CDH2: variants seen among roughly 807,000 people sequenced by gnomAD.
CDH2 encodes the protein cadherin-2.
Under a neutral mutation model 92.0 loss-of-function variants are expected in CDH2, and 17 were observed. The ratio of observed to expected loss-of-function variants is 0.18; its 90% CI spans 0.13 to 0.28. The LOEUF (loss-of-function observed/expected upper bound fraction) is 0.28. CDH2 is among the 10% of genes least tolerant of loss of function. The pLI, the probability that CDH2 is intolerant of heterozygous loss-of-function variation, is 1.00. For missense variants in CDH2, 862 were observed against 1,133.1 expected, an observed-to-expected ratio of 0.76 and a Z score of 3.44; for synonymous variants, 419 against 415.9, an observed-to-expected ratio of 1.01 and a Z score of -0.09.
chr18:27,968,957 A>G (rs2011592231), intron 14 of CDH2, among the ~76,000 whole-genome samples: 2 of 152,358 alleles, frequency 1.3e-5, no homozygotes, highest in African/African-American at 4.8e-5. Flanking sequence ...CCGGCATTAA[A>G]ATAATTGAAT....
At chr18:28,038,422 AGT>A (rs57601293) in intron 2 of CDH2, among the ~76,000 whole-genome samples, 5,921 of 142,254 alleles carry the variant, frequency 0.042, 125 homozygotes, top group Middle Eastern at 0.054. Flanking sequence ...CCTTGTCTCA[AGT>A]GTGTGTGTGT....
intron 2 of CDH2, among the ~76,000 whole-genome samples, chr18:28,021,139 G>A (rs775870614): frequency 2.0e-5 from 3 of 151,742 alleles, no homozygotes; most frequent in Admixed American, 1.3e-4. Context: ...TAATATAATC[G>A]AATCAATACC....
Position 27,985,168 on chromosome 18 carries a change from T to A in CDH2, c.2041A>T (p.Ile681Leu). ...LEAGIYEVPI[I>L]ITDSGNPPKS... Reference sequence around the variant, plus strand: ...GGAGGATTACCCGAATCTGTGATTATGATGGGAACTTCATAGATACCAGCT... The same window carrying A: ...GGAGGATTACCCGAATCTGTGATTAAGATGGGAACTTCATAGATACCAGCT... Residue 681 changes from isoleucine (I) to leucine (L), a missense_variant, in exon 13 of 16, where the codon ATA (isoleucine) becomes TTA (leucine). Ile to Leu is a conservative substitution (Grantham distance 5). This residue lies in a region of CDH2 where 564 missense variants were observed against 722.2 expected (regional missense o/e 0.78). Transcript: ENST00000269141. 6.2e-7 allele frequency: 1 copy of A among 1,613,908 alleles called. No homozygotes were observed. The highest frequency in any genetic ancestry group is 8.5e-7 in the Non-Finnish European group (1 of 1,179,780).
chr18:28,063,317 A>G (rs1406154440), intron 2 of CDH2, among the ~76,000 whole-genome samples: 2 of 152,222 alleles, frequency 1.3e-5, no homozygotes, highest in Admixed American at 1.3e-4. Context: ...AAAACAAAAC[A>G]AAGTGGGTAG....
chr18:28,172,638 C>G (rs1048777494), intron 1 of CDH2, among the ~76,000 whole-genome samples: 1 of 152,282 alleles, frequency 6.6e-6, no homozygotes, highest in South Asian at 2.1e-4. Context: ...GAGCGAAATA[C>G]TTATTCAGAT....
chr18:28,126,684 G>C (rs990715227), intron 2 of CDH2, among the ~76,000 whole-genome samples: 4 of 152,142 alleles, frequency 2.6e-5, no homozygotes, highest in Non-Finnish European at 5.9e-5. Context: ...TAAATAAAGA[G>C]AGTGAGTGCC....
At chr18:28,092,693 C>T (rs1336224064) in intron 2 of CDH2, among the ~76,000 whole-genome samples, 1 of 151,986 alleles carries the variant, frequency 6.6e-6, no homozygotes, top group Non-Finnish European at 1.5e-5. Context: ...AAGAAAAAGT[C>T]CCTAATTCAG....
At chr18:28,130,362 T>C (rs1458961250) in intron 2 of CDH2, among the ~76,000 whole-genome samples, 2 of 152,210 alleles carry the variant, frequency 1.3e-5, no homozygotes, top group African/African-American at 2.4e-5. Context: ...CAACGCATTA[T>C]TGCTATAATT....
At chr18:28,008,353 T>A (rs2012999951) in intron 5 of CDH2, among the ~76,000 whole-genome samples, 1 of 152,174 alleles carries the variant, frequency 6.6e-6, no homozygotes, top group African/African-American at 2.4e-5. Flanking sequence ...GAATAACCTA[T>A]TCCTCCAATG....
intron 2 of CDH2, among the ~76,000 whole-genome samples, chr18:28,104,186 C>T (rs988997090): frequency 2.0e-5 from 3 of 152,132 alleles, no homozygotes; most frequent in Non-Finnish European, 4.4e-5. Context: ...TATAAACACT[C>T]TTATCAAAAA....
chr18:28,107,355 T>C (rs989742709), intron 2 of CDH2, among the ~76,000 whole-genome samples: 3 of 152,052 alleles, frequency 2.0e-5, no homozygotes, highest in African/African-American at 7.2e-5. Context: ...AATTAGTTGG[T>C]GTGACCACAG....
chr18:28,005,744 G>T, intron 6 of CDH2, 105 bp downstream of exon 6: 1 of 681,078 alleles, frequency 1.5e-6, no homozygotes. Context: ...GAAAGAAAAG[G>T]ATCCAAAAAG....
chr18:27,934,947 G>C (rs575296014), intron 6 of CDH2, among the ~76,000 whole-genome samples: 1 of 152,288 alleles, frequency 6.6e-6, no homozygotes, highest in East Asian at 1.9e-4. Flanking sequence ...GTCTGAGTAT[G>C]ATCTGAAACT....
At chr18:28,032,397 A>T (rs527546830) in intron 2 of CDH2, among the ~76,000 whole-genome samples, 1 of 152,260 alleles carries the variant, frequency 6.6e-6, no homozygotes, top group Non-Finnish European at 1.5e-5. Context: ...ACATAAGAAA[A>T]CAAAGACAAA....
At chr18:27,968,851 G>GA (rs1467558172) in intron 14 of CDH2, among the ~76,000 whole-genome samples, 8 of 152,070 alleles carry the variant, frequency 5.3e-5, no homozygotes, top group African/African-American at 1.7e-4. Context: ...AAAATATCTG[G>GA]AAAAAAGCTG....
intron 2 of CDH2, 27 bp from the exon 3 acceptor site, chr18:28,013,936 T>G (rs1471658565): frequency 6.4e-7 from 1 of 1,554,432 alleles, no homozygotes; most frequent in Admixed American, 1.7e-5. Context: ...ATAGGTCAGT[T>G]ATTATAATTA....
intron 15 of CDH2, among the ~76,000 whole-genome samples, chr18:27,961,664 G>C (rs1262529415): frequency 2.0e-5 from 3 of 152,150 alleles, no homozygotes; most frequent in African/African-American, 7.2e-5. Flanking sequence ...AAACCTTACT[G>C]TTTGTTTGAT....
intron 1 of CDH2, among the ~76,000 whole-genome samples, chr18:28,148,562 G>C (rs2016073606): frequency 6.6e-6 from 1 of 152,154 alleles, no homozygotes. Flanking sequence ...AGGACAGTCA[G>C]CCCTCAGCAG....
At chr18:28,110,571 A>G (rs2144252608) in intron 2 of CDH2, among the ~76,000 whole-genome samples, 1 of 152,286 alleles carries the variant, frequency 6.6e-6, no homozygotes, top group East Asian at 1.9e-4. Context: ...CTACTGGGCC[A>G]ATCTACCTAA....
Sources: gnomAD v4.1 joint callset for allele counts (sites outside exome capture counted in the v4.1 genomes callset) on GRCh38, gnomAD v4.1.1 for gene constraint, gnomAD v4.1.1 regional missense constraint, MANE v1.5 for transcripts, NCBI Gene and HGNC (gene_info 2026-07-23, HGNC 2026-07-21) for gene names.